Variants in ARB2A observed in about 807,000 individuals in gnomAD.
ARB2A encodes cotranscriptional regulator ARB2A.
the ARB2A span, among the ~76,000 whole-genome samples, chr5:93,657,431 A>G: frequency 6.6e-6 from 1 of 152,206 alleles, no homozygotes; most frequent in Admixed American, 6.5e-5. Context: ...GTCAGCAATC[A>G]ACAGCAAATA....
chr5:93,854,435 T>G, the ARB2A span, among the ~76,000 whole-genome samples: 1 of 152,128 alleles, frequency 6.6e-6, no homozygotes, highest in Admixed American at 6.6e-5. Context: ...TTTTGAAGGG[T>G]TTTTTGTGTC....
At chr5:93,693,941 C>A in the ARB2A span, among the ~76,000 whole-genome samples, 10 of 151,976 alleles carry the variant, frequency 6.6e-5, no homozygotes, top group Admixed American at 5.2e-4. Flanking sequence ...TGAAAAAAAA[C>A]CACATGATTA....
the ARB2A span, among the ~76,000 whole-genome samples, chr5:94,026,145 T>C: frequency 6.6e-6 from 1 of 152,036 alleles, no homozygotes; most frequent in African/African-American, 2.4e-5. Context: ...AGCATGCTAA[T>C]TAGCTTTTTC....
chr5:93,792,024 TG>T, the ARB2A span, among the ~76,000 whole-genome samples: 6 of 152,028 alleles, frequency 3.9e-5, no homozygotes, highest in African/African-American at 9.6e-5. Flanking sequence ...GTGATGTGGT[TG>T]GGGGTGGGGA....
the ARB2A span, among the ~76,000 whole-genome samples, chr5:94,060,136 G>A: frequency 2.1e-4 from 32 of 152,126 alleles, no homozygotes; most frequent in Non-Finnish European, 3.8e-4. Flanking sequence ...AAGGCAGGCA[G>A]ATCACGAGGT....
chr5:94,098,521 A>T, the ARB2A span, among the ~76,000 whole-genome samples: 2 of 152,196 alleles, frequency 1.3e-5, no homozygotes, highest in African/African-American at 4.8e-5. Flanking sequence ...AAATGTCCAC[A>T]TCAAAAAACT....
At chr5:93,935,966 A>C in the ARB2A span, among the ~76,000 whole-genome samples, 2 of 152,210 alleles carry the variant, frequency 1.3e-5, no homozygotes, top group Non-Finnish European at 2.9e-5. Context: ...CTTCATTTGA[A>C]TAGAATTCCA....
At chr5:93,779,842 T>C in the ARB2A span, among the ~76,000 whole-genome samples, 1 of 152,228 alleles carries the variant, frequency 6.6e-6, no homozygotes, top group African/African-American at 2.4e-5. Context: ...TTTTCCTTTT[T>C]GTAACATCCA....
the ARB2A span, among the ~76,000 whole-genome samples, chr5:93,921,137 G>A: frequency 1.4e-4 from 20 of 139,426 alleles, no homozygotes; most frequent in Middle Eastern, 0.012. Flanking sequence ...AGATAAATGA[G>A]TTCAGTGTAA....
chr5:93,987,324 A>G, the ARB2A span, among the ~76,000 whole-genome samples: 1 of 152,224 alleles, frequency 6.6e-6, no homozygotes, highest in African/African-American at 2.4e-5. Context: ...CTTAATAATT[A>G]AAGTTTAATA....
At chr5:93,968,567 T>C in the ARB2A span, among the ~76,000 whole-genome samples, 6 of 151,886 alleles carry the variant, frequency 4.0e-5, no homozygotes, top group African/African-American at 1.2e-4. Flanking sequence ...ATTAGAGAAC[T>C]GTGGGGCAAT....
At chr5:93,818,253 G>C in the ARB2A span, among the ~76,000 whole-genome samples, 1 of 152,170 alleles carries the variant, frequency 6.6e-6, no homozygotes, top group African/African-American at 2.4e-5. Flanking sequence ...AGGATTGTAA[G>C]TATGGGGAGA....
At chr5:94,089,773 G>A in the ARB2A span, among the ~76,000 whole-genome samples, 3 of 152,052 alleles carry the variant, frequency 2.0e-5, no homozygotes, top group Non-Finnish European at 4.4e-5. Flanking sequence ...AACTGAAAGG[G>A]AATAGAAAGG....
the ARB2A span, among the ~76,000 whole-genome samples, chr5:93,867,305 C>T: frequency 4.6e-5 from 7 of 152,142 alleles, no homozygotes; most frequent in Admixed American, 6.5e-5. Context: ...AATATGATAG[C>T]ATCCAAACTG....
chr5:94,054,076 G>T, the ARB2A span, among the ~76,000 whole-genome samples: 2 of 152,134 alleles, frequency 1.3e-5, no homozygotes, highest in Non-Finnish European at 2.9e-5. Context: ...CTGAGTTTTG[G>T]AGTAATTTTA....
chr5:93,643,026 C>T, the ARB2A span, among the ~76,000 whole-genome samples: 2 of 152,114 alleles, frequency 1.3e-5, no homozygotes, highest in Non-Finnish European at 2.9e-5. Flanking sequence ...ATAGTCTGTG[C>T]TAGCCTGGCT....
At chr5:93,777,730 C>T in the ARB2A span, among the ~76,000 whole-genome samples, 1 of 152,130 alleles carries the variant, frequency 6.6e-6, no homozygotes, top group African/African-American at 2.4e-5. Context: ...GTGGAAAGAT[C>T]CTTGACTGGT....
At chr5:93,740,399 C>T in the ARB2A span, 1 of 637,472 alleles carries the variant, frequency 1.6e-6, no homozygotes, top group South Asian at 2.9e-5. Context: ...TTCATCTTCT[C>T]TCCCAGGTTT....
At chr5:93,722,906 T>A in the ARB2A span, among the ~76,000 whole-genome samples, 1 of 152,154 alleles carries the variant, frequency 6.6e-6, no homozygotes, top group African/African-American at 2.4e-5. Context: ...ATTTTAAGCG[T>A]TCCTCTTACA....
Sources: gnomAD v4.1 joint callset for allele counts (sites outside exome capture counted in the v4.1 genomes callset) on GRCh38, gnomAD v4.1.1 for gene constraint, MANE v1.5 for transcripts, NCBI Gene and HGNC (gene_info 2026-07-23, HGNC 2026-07-21) for gene names.